The following CELF2 variants were observed in gnomAD, a reference collection of about 807,000 sequenced individuals.
The protein encoded by CELF2 is CUGBP Elav-like family member 2, also known as CUG triplet repeat RNA-binding protein 2.
A neutral mutation model predicts 62.6 loss-of-function variants in CELF2; 8 were observed. The ratio of observed to expected loss-of-function variants is 0.13; its 90% CI spans 0.07 to 0.23. CELF2 has a LOEUF of 0.23. Among genes scored for constraint, CELF2 ranks in the 10% least tolerant of loss-of-function variants. The pLI is 1.00. For synonymous variants in CELF2, 258 were observed against 250.0 expected (o/e 1.03, Z -0.30); for missense variants, 333 against 671.0 (o/e 0.50, Z 5.56).
intron 2 of CELF2, among the ~76,000 whole-genome samples, chr10:10,956,218 A>C (rs1216528153): frequency 1.3e-5 from 2 of 152,334 alleles, no homozygotes; most frequent in Non-Finnish European, 2.9e-5. Flanking sequence ...TGCTGCCACA[A>C]AACTACCCTT....
intron 1 of CELF2, among the ~76,000 whole-genome samples, chr10:11,065,520 A>C (rs1476728146): frequency 6.6e-6 from 1 of 152,210 alleles, no homozygotes; most frequent in East Asian, 1.9e-4. Flanking sequence ...CATTGGAATC[A>C]TAAGGAGCTC....
At chr10:10,672,773 T>C in the CELF2 span, among the ~76,000 whole-genome samples, 10 of 152,160 alleles carry the variant, frequency 6.6e-5, no homozygotes, top group Non-Finnish European at 1.2e-4. Flanking sequence ...GTGTTGGCAA[T>C]TCTGGGCCTT....
intron 1 of CELF2, among the ~76,000 whole-genome samples, chr10:10,865,825 AT>A (rs796477996): frequency 5.9e-4 from 87 of 147,232 alleles, no homozygotes; most frequent in Middle Eastern, 3.5e-3. Flanking sequence ...AAAAAAAAAG[AT>A]TTTTTTTTTT....
At chr10:10,941,227 T>A (rs910282534) in intron 2 of CELF2, among the ~76,000 whole-genome samples, 2 of 152,202 alleles carry the variant, frequency 1.3e-5, no homozygotes, top group African/African-American at 2.4e-5. Context: ...TGAAGAAATG[T>A]GCTACGGAGA....
At chr10:10,698,896 C>G in the CELF2 span, among the ~76,000 whole-genome samples, 2 of 152,244 alleles carry the variant, frequency 1.3e-5, no homozygotes, top group Admixed American at 6.5e-5. Context: ...TGAATTCTAT[C>G]TTTGAAACTA....
chr10:10,588,485 AC>A, the CELF2 span, among the ~76,000 whole-genome samples: 1 of 151,958 alleles, frequency 6.6e-6, no homozygotes, highest in Admixed American at 6.6e-5. Context: ...GGATTGTACC[AC>A]CCTGGGATAC....
At chr10:10,468,370 G>A in the CELF2 span, among the ~76,000 whole-genome samples, 16 of 152,072 alleles carry the variant, frequency 1.1e-4, no homozygotes, top group African/African-American at 3.1e-4. Context: ...CCTGGTAGCC[G>A]TTGCTTTGGT....
intron 3 of CELF2, among the ~76,000 whole-genome samples, chr10:11,226,832 T>C (rs929357704): frequency 1.2e-4 from 19 of 152,148 alleles, no homozygotes; most frequent in Admixed American, 1.1e-3. Context: ...TCAAAGACAG[T>C]CATCACTGTA....
At chr10:10,628,636 C>T in the CELF2 span, among the ~76,000 whole-genome samples, 2 of 152,174 alleles carry the variant, frequency 1.3e-5, no homozygotes, top group Non-Finnish European at 2.9e-5. Flanking sequence ...ATTTTTATGG[C>T]TGCATAGTAT....
intron 1 of CELF2, among the ~76,000 whole-genome samples, chr10:11,074,762 C>T (rs7920465): frequency 0.2 from 30,975 of 152,136 alleles, 3,286 homozygotes; most frequent in Middle Eastern, 0.29. Context: ...TGTGTTGCAA[C>T]TCTGAGCACA....
intron 1 of CELF2, among the ~76,000 whole-genome samples, chr10:10,812,804 TGTCAATGTCTGGAAGATAGGCAGG>T (rs1430913295): frequency 6.6e-6 from 1 of 152,164 alleles, no homozygotes; most frequent in African/African-American, 2.4e-5. Context: ...ATTAATAGGG[TGTCAATGTCTGGAAGATAGGCAGG>T]GTCAATGTCT....
rs1423058459 is a variant in CELF2, at chr10:11,165,671, C to T, written c.260C>T (p.Pro87Leu). Residue 87 changes from proline to leucine, a missense_variant, in exon 2 of 13, where the codon CCG becomes CTG. Transcript: ENST00000633077. The surrounding 1 kb of genome is among the most constrained non-coding windows in gnomAD (Gnocchi z 7.4). ...CTCCGGGACCGGAGTCAGAACCCTC[C>T]GCAGAGTAAAGGTACAGAGCGCGGG... is the stretch of plus-strand genomic sequence containing the variant. ...NVLRDRSQNPPQSKGCCFVTF... is the reference protein window; with the variant it reads ...NVLRDRSQNPLQSKGCCFVTF... The T allele has an allele frequency of 6.2e-7, 1 of 1,613,160 alleles. No homozygotes were observed. Among genetic ancestry groups the T allele is most frequent in the Non-Finnish European group, 8.5e-7 (1 of 1,179,562 alleles).
At chr10:11,254,241 G>C (rs529016916) in intron 4 of CELF2, among the ~76,000 whole-genome samples, 1 of 152,256 alleles carries the variant, frequency 6.6e-6, no homozygotes, top group South Asian at 2.1e-4. Flanking sequence ...GGTGTGTTCA[G>C]TATTCCCCAT....
At chr10:10,581,027 A>G in the CELF2 span, among the ~76,000 whole-genome samples, 1 of 152,224 alleles carries the variant, frequency 6.6e-6, no homozygotes, top group South Asian at 2.1e-4. Context: ...CATAGTCATT[A>G]TTGCCTGTAT....
chr10:11,310,777 C>T (rs1470693135), intron 9 of CELF2, among the ~76,000 whole-genome samples: 1 of 151,576 alleles, frequency 6.6e-6, no homozygotes. Context: ...CTATTTCTGG[C>T]AGTTAGGCAG....
the CELF2 span, among the ~76,000 whole-genome samples, chr10:10,505,735 T>C: frequency 6.6e-6 from 1 of 152,218 alleles, no homozygotes; most frequent in Non-Finnish European, 1.5e-5. Flanking sequence ...ACAGCAGATA[T>C]TAACTGTTAA....
intron 11 of CELF2, among the ~76,000 whole-genome samples, chr10:11,323,699 C>T (rs1313939555): frequency 6.6e-6 from 1 of 152,146 alleles, no homozygotes; most frequent in Admixed American, 6.5e-5. Flanking sequence ...AACACCCCAA[C>T]AGCCAGGACC....
chr10:10,609,269 C>T, the CELF2 span, among the ~76,000 whole-genome samples: 94 of 152,310 alleles, frequency 6.2e-4, no homozygotes, highest in African/African-American at 2.2e-3. Context: ...ACTCAATAAA[C>T]ATTCTGCTTT....
rs1443601101 is a variant in CELF2, at chr10:11,280,789, T to G, written c.841+5669T>G. Among the ~76,000 whole-genome samples, 1 of 152,082 alleles carries G rather than the reference T, an allele frequency of 6.6e-6. No individual in the cohort carries two copies. Among genetic ancestry groups the G allele is most frequent in the Non-Finnish European group, 1.5e-5 (1 of 68,008 alleles). ...ACGGTGCCCTCACTGCCCTCCAGCC[T>G]CAGTCCTGGTTGGAGTGAGATGCCC... On this transcript the variant is annotated intron_variant, in intron 8 of 12. Transcript: ENST00000633077. This position sits in a 1 kb window ranked among gnomAD's most constrained non-coding sequence, Gnocchi z 7.6.
Sources: gnomAD v4.1 joint callset for allele counts (sites outside exome capture counted in the v4.1 genomes callset) on GRCh38, gnomAD v4.1.1 for gene constraint, Gnocchi (gnomAD v3.1) non-coding constraint, MANE v1.5 for transcripts, NCBI Gene and HGNC (gene_info 2026-07-23, HGNC 2026-07-21) for gene names.